TRMT11: variants seen among roughly 807,000 people sequenced by gnomAD.
TRMT11 encodes tRNA methyltransferase 11, also known as tRNA (guanine(10)-N(2))-methyltransferase TRMT11.
A neutral mutation model predicts 62.8 loss-of-function variants in TRMT11; 53 were observed. The ratio of observed to expected loss-of-function variants is 0.84; its 90% CI spans 0.68 to 1.06. The LOEUF (loss-of-function observed/expected upper bound fraction) is 1.06. Among genes scored for constraint, TRMT11 ranks in the 50% least tolerant of loss-of-function variants. The pLI is 0.00. For missense variants in TRMT11, 556 were observed against 553.4 expected, an observed-to-expected ratio of 1.00 and a Z score of -0.05; for synonymous variants, 188 against 190.3, an observed-to-expected ratio of 0.99 and a Z score of 0.10.
At chr6:126,244,769 G>T in the TRMT11 span, among the ~76,000 whole-genome samples, 7 of 152,118 alleles carry the variant, frequency 4.6e-5, no homozygotes, top group African/African-American at 1.4e-4. Context: ...GTCAATAACA[G>T]GTGACACGCA....
At chr6:126,027,339 A>G (rs1773371992) in intron 12 of TRMT11, among the ~76,000 whole-genome samples, 1 of 152,226 alleles carries the variant, frequency 6.6e-6, no homozygotes, top group Admixed American at 6.5e-5. Flanking sequence ...ATCTACTTGA[A>G]CAGATGAAAA....
chr6:126,113,945 T>C (rs1048671186), intron 18 of TRMT11, among the ~76,000 whole-genome samples: 17 of 152,116 alleles, frequency 1.1e-4, no homozygotes, highest in African/African-American at 3.6e-4. Context: ...TGTTGGTCCA[T>C]GGATCGCACT....
intron 1 of TRMT11, among the ~76,000 whole-genome samples, chr6:126,188,941 A>C (rs1778559765): frequency 6.6e-6 from 1 of 152,138 alleles, no homozygotes; most frequent in African/African-American, 2.4e-5. Flanking sequence ...TGTCTGGAGG[A>C]AGTACATTTT....
chr6:126,078,417 G>T (rs918231052), intron 17 of TRMT11, among the ~76,000 whole-genome samples: 1 of 143,340 alleles, frequency 7.0e-6, no homozygotes, highest in Non-Finnish European at 1.5e-5. Context: ...TTTTTGAGTT[G>T]GACTCAGGCA....
the TRMT11 span, among the ~76,000 whole-genome samples, chr6:126,239,507 C>A: frequency 2.0e-5 from 3 of 152,112 alleles, no homozygotes; most frequent in Non-Finnish European, 4.4e-5. Flanking sequence ...GTTGAAAATT[C>A]TTTTCTTTAA....
chr6:126,040,030 G>T (rs1392043100), downstream of TRMT11, among the ~76,000 whole-genome samples: 1 of 152,000 alleles, frequency 6.6e-6, no homozygotes, highest in South Asian at 2.1e-4. Flanking sequence ...TGGTACACTG[G>T]GGGGAAATCT....
chr6:126,011,159 GGTTT>G (rs1794119852), intron 8 of TRMT11, 90 bp from the exon 9 acceptor site: 2 of 1,041,940 alleles, frequency 1.9e-6, no homozygotes, highest in Non-Finnish European at 2.7e-6. Flanking sequence ...AATAAATGTA[GGTTT>G]CAGTGAGTTA....
At chr6:126,075,402 C>T (rs1373621987) in intron 17 of TRMT11, among the ~76,000 whole-genome samples, 3 of 152,048 alleles carry the variant, frequency 2.0e-5, no homozygotes, top group East Asian at 1.9e-4. Context: ...ATCATGGGGA[C>T]GGATTTCCCC....
the TRMT11 span, among the ~76,000 whole-genome samples, chr6:126,253,168 G>A: frequency 6.6e-6 from 1 of 151,896 alleles, no homozygotes; most frequent in African/African-American, 2.4e-5. Flanking sequence ...CAGGAGCAGT[G>A]GCTCATGCCT....
chr6:126,208,969 A>C, the TRMT11 span, among the ~76,000 whole-genome samples: 11 of 152,244 alleles, frequency 7.2e-5, no homozygotes, highest in Admixed American at 5.2e-4. Flanking sequence ...ATAAAATAGA[A>C]TTTACAACAT....
At chr6:126,078,298 T>G (rs142210586) in intron 17 of TRMT11, among the ~76,000 whole-genome samples, 170 of 152,288 alleles carry the variant, frequency 1.1e-3, no homozygotes, top group African/African-American at 3.2e-3. Flanking sequence ...GTAGGAACAA[T>G]GCTGTGCACT....
intron 3 of TRMT11, among the ~76,000 whole-genome samples, chr6:126,200,838 C>T (rs1357311002): frequency 6.6e-6 from 1 of 152,204 alleles, no homozygotes; most frequent in African/African-American, 2.4e-5. Context: ...CAGGCGTGAC[C>T]CACCGCGCCC....
chr6:126,001,341 A>G (rs1411194514), intron 7 of TRMT11, among the ~76,000 whole-genome samples: 1 of 151,914 alleles, frequency 6.6e-6, no homozygotes, highest in Non-Finnish European at 1.5e-5. Flanking sequence ...TGAAATTTGC[A>G]CTTTTCAAGA....
chr6:126,269,424 A>G, the TRMT11 span, among the ~76,000 whole-genome samples: 1 of 152,170 alleles, frequency 6.6e-6, no homozygotes, highest in East Asian at 1.9e-4. Flanking sequence ...AACTAAATAT[A>G]TGGGCAAAGA....
Position 125,993,798 on chromosome 6 carries a change from C to G in TRMT11, c.114C>G (p.Ala38=), listed in dbSNP as rs757903982. Residue 38 remains alanine (A), a synonymous_variant, in exon 2 of 13, where the codon GCC becomes GCG. Transcript: ENST00000334379. ...SLLLLFGGQF[A]SSQETYGKSP... Reference sequence around the variant, plus strand: ...TTTTGCTTTTTGGAGGTCAGTTTGCCAGCAGTCAAGAAACTTATGGAAAGG... The same window carrying G: ...TTTTGCTTTTTGGAGGTCAGTTTGCGAGCAGTCAAGAAACTTATGGAAAGG... The G allele has an allele frequency of 1.9e-6, 3 of 1,610,182 alleles. No individual in the cohort carries two copies. The highest frequency in any genetic ancestry group is 2.5e-6 in the Non-Finnish European group (3 of 1,177,082).
intron 17 of TRMT11, among the ~76,000 whole-genome samples, chr6:126,081,096 T>C (rs1190640161): frequency 6.6e-6 from 1 of 152,224 alleles, no homozygotes; most frequent in South Asian, 2.1e-4. Flanking sequence ...GTTTGGTCTC[T>C]ACAGACATTG....
At position 125,990,230 on chromosome 6, in the gene TRMT11, T is replaced by C. The variant is rs115265223; in HGVS notation, c.73-3527T>C. On this transcript the variant is annotated intron_variant, in intron 1 of 12. Transcript: ENST00000334379. ...TATGCCAGATGTTGTATTTGAAAAT[T>C]TATTTGAAAAAATAATTTGAGGGCT... Among the ~76,000 whole-genome samples, 198 of 152,306 alleles carry C rather than the reference T, an allele frequency of 1.3e-3. 1 individual carries two copies. Among genetic ancestry groups the C allele is most frequent in the African/African-American group, 4.6e-3 (191 of 41,552 alleles).
chr6:126,031,397 G>A (rs1294199317), intron 12 of TRMT11, among the ~76,000 whole-genome samples: 3 of 152,106 alleles, frequency 2.0e-5, no homozygotes, highest in African/African-American at 7.2e-5. Flanking sequence ...AACAGACTAA[G>A]GCTTCTTATC....
At chr6:126,152,617 T>C (rs1778072595) in intron 21 of TRMT11, among the ~76,000 whole-genome samples, 1 of 152,222 alleles carries the variant, frequency 6.6e-6, no homozygotes, top group Non-Finnish European at 1.5e-5. Context: ...TGATATTAAC[T>C]GTTTTCCCAA....
Sources: gnomAD v4.1 joint callset for allele counts (sites outside exome capture counted in the v4.1 genomes callset) on GRCh38, gnomAD v4.1.1 for gene constraint, MANE v1.5 for transcripts, NCBI Gene and HGNC (gene_info 2026-07-23, HGNC 2026-07-21) for gene names.